Variants in LRRC4C observed in about 807,000 individuals in gnomAD.
LRRC4C encodes leucine rich repeat containing 4C.
Under a neutral mutation model 33.6 loss-of-function variants are expected in LRRC4C, and 5 were observed. The observed-to-expected ratio is 0.15, with a 90% confidence interval of 0.08 to 0.31. The LOEUF is 0.31. LRRC4C is among the 10% of genes least tolerant of loss of function. The probability of loss-of-function intolerance (pLI) is 1.00; values close to 1 mark genes in which losing one functional copy is unlikely to be tolerated. For synonymous variants in LRRC4C, 329 were observed against 302.0 expected (o/e 1.09, Z -0.93); for missense variants, 560 against 796.7 (o/e 0.70, Z 3.58).
At chr11:40,336,726 C>T (rs1946622342) in intron 3 of LRRC4C, among the ~76,000 whole-genome samples, 1 of 151,952 alleles carries the variant, frequency 6.6e-6, no homozygotes, top group African/African-American at 2.4e-5. Context: ...CCTGTAATCC[C>T]AGCACTTTGG....
intron 1 of LRRC4C, among the ~76,000 whole-genome samples, chr11:40,945,091 G>A (rs527977492): frequency 2.0e-5 from 3 of 147,398 alleles, no homozygotes; most frequent in Non-Finnish European, 3.0e-5. Context: ...GCAGTGGCGC[G>A]ATCTCGGCAC....
intron 2 of LRRC4C, among the ~76,000 whole-genome samples, chr11:40,829,658 G>A (rs1952322400): frequency 6.6e-6 from 1 of 151,982 alleles, no homozygotes; most frequent in East Asian, 1.9e-4. Flanking sequence ...GGTCTGTGCT[G>A]TAGAAAGAAA....
intron 5 of LRRC4C, among the ~76,000 whole-genome samples, chr11:40,209,349 G>A (rs1863407646): frequency 6.6e-6 from 1 of 152,102 alleles, no homozygotes; most frequent in Non-Finnish European, 1.5e-5. Context: ...AGTAAACAAT[G>A]CAGAAGATTA....
intron 3 of LRRC4C, among the ~76,000 whole-genome samples, chr11:40,324,100 G>T (rs921703860): frequency 2.6e-5 from 4 of 152,074 alleles, no homozygotes; most frequent in African/African-American, 9.7e-5. Context: ...TAGTGTGTAG[G>T]TACACATACT....
chr11:40,701,561 G>T (rs1440453521), intron 2 of LRRC4C, among the ~76,000 whole-genome samples: 2 of 150,794 alleles, frequency 1.3e-5, no homozygotes, highest in Non-Finnish European at 3.0e-5. Context: ...TATATTTGGG[G>T]ATGGGTTTCA....
At chr11:40,375,496 G>T (rs538167076) in intron 3 of LRRC4C, among the ~76,000 whole-genome samples, 1 of 152,230 alleles carries the variant, frequency 6.6e-6, no homozygotes, top group Admixed American at 6.5e-5. Context: ...AGGAAGCACA[G>T]ATTTACTATT....
At chr11:40,937,603 A>ATGTGTGTGTGTGTGTGTG (rs35416837) in intron 1 of LRRC4C, among the ~76,000 whole-genome samples, 7 of 135,900 alleles carry the variant, frequency 5.2e-5, no homozygotes, top group African/African-American at 1.7e-4. Flanking sequence ...GTGTGTGTAT[A>ATGTGTGTGTGTGTGTGTG]TGTGTGTGTG....
At chr11:40,447,805 T>A (rs1951706914) in intron 3 of LRRC4C, among the ~76,000 whole-genome samples, 1 of 152,028 alleles carries the variant, frequency 6.6e-6, no homozygotes, top group African/African-American at 2.4e-5. Context: ...AGCAGATGCA[T>A]TCTGTTTTGT....
intron 1 of LRRC4C, among the ~76,000 whole-genome samples, chr11:41,210,572 T>C (rs946736617): frequency 1.3e-5 from 2 of 152,186 alleles, no homozygotes; most frequent in Admixed American, 1.3e-4. Context: ...ACTAATACAA[T>C]GATCCTTTGG....
At chr11:40,666,791 A>G (rs2136245379) in intron 2 of LRRC4C, among the ~76,000 whole-genome samples, 1 of 152,296 alleles carries the variant, frequency 6.6e-6, no homozygotes, top group Non-Finnish European at 1.5e-5. Context: ...TACTTTAGAG[A>G]TTTAGAAACA....
In LRRC4C at chr11:40,249,356, T is replaced by G. The variant is rs182478428; in HGVS notation, c.-175-7758A>C. Among the ~76,000 whole-genome samples, 55 of 151,796 alleles carry G rather than the reference T, an allele frequency of 3.6e-4. 1 individual carries two copies. In the East Asian group the frequency reaches 9.7e-3, roughly 27 times the overall value. On this transcript the variant is annotated intron_variant, in intron 4 of 6. Transcript: ENST00000528697. ...CCATCTCAAAAAAATAAAAAATAAA[T>G]AATAATCTCTTGGCTGGAGTTAAAT...
intron 2 of LRRC4C, among the ~76,000 whole-genome samples, chr11:40,718,296 G>A (rs1157756216): frequency 6.6e-6 from 1 of 152,130 alleles, no homozygotes; most frequent in Non-Finnish European, 1.5e-5. Context: ...AGAAGCCAGG[G>A]ATACAGCTAA....
chr11:40,843,989 C>T (rs749326765), intron 2 of LRRC4C, among the ~76,000 whole-genome samples: 1 of 152,076 alleles, frequency 6.6e-6, no homozygotes, highest in African/African-American at 2.4e-5. Context: ...GGAACTCTAA[C>T]TTTGAAAGAT....
chr11:41,037,309 T>A (rs1000645231), intron 1 of LRRC4C, among the ~76,000 whole-genome samples: 2 of 151,162 alleles, frequency 1.3e-5, no homozygotes, highest in Admixed American at 6.6e-5. Flanking sequence ...AATGCCTCAA[T>A]GGAAAGTGAT....
chr11:40,366,784 T>C (rs1459920305), intron 3 of LRRC4C, among the ~76,000 whole-genome samples: 1 of 152,084 alleles, frequency 6.6e-6, no homozygotes, highest in Non-Finnish European at 1.5e-5. Flanking sequence ...CCAGAGGTTT[T>C]CATTTAAAGT....
chr11:40,197,647 C>G (rs1156697530), intron 5 of LRRC4C, among the ~76,000 whole-genome samples: 2 of 152,156 alleles, frequency 1.3e-5, no homozygotes, highest in African/African-American at 4.8e-5. Context: ...CCATCATTCC[C>G]CATGACATAG....
At chr11:40,247,295 A>T (rs183176701) in intron 4 of LRRC4C, among the ~76,000 whole-genome samples, 61 of 152,224 alleles carry the variant, frequency 4.0e-4, no homozygotes, top group African/African-American at 1.4e-3. Context: ...GCATTTTCCT[A>T]TTATAAAGCT....
chr11:40,371,633 C>T (rs1443951856), intron 3 of LRRC4C, among the ~76,000 whole-genome samples: 1 of 152,126 alleles, frequency 6.6e-6, no homozygotes, highest in East Asian at 1.9e-4. Context: ...ATTGAGCCAA[C>T]AACTAATGGC....
intron 3 of LRRC4C, among the ~76,000 whole-genome samples, chr11:40,487,465 T>A (rs1449480323): frequency 6.6e-6 from 1 of 152,022 alleles, no homozygotes; most frequent in Admixed American, 6.6e-5. Context: ...CAAATGTGAT[T>A]GAATCAATAC....
Sources: allele counts gnomAD v4.1 joint callset (sites outside exome capture counted in the v4.1 genomes callset), GRCh38; gene constraint gnomAD v4.1.1; transcripts MANE v1.5; gene names NCBI Gene and HGNC (gene_info 2026-07-23, HGNC 2026-07-21).